Variants in EIF2AK4 observed in about 807,000 individuals in gnomAD.
EIF2AK4 encodes eukaryotic translation initiation factor 2 alpha kinase 4.
EIF2AK4 carries 139 observed loss-of-function variants against 211.1 expected under a neutral mutation model. The ratio of observed to expected loss-of-function variants is 0.66; its 90% CI spans 0.57 to 0.76. EIF2AK4 has a LOEUF of 0.76. EIF2AK4 is among the 30% of genes least tolerant of loss of function. The pLI, the probability that EIF2AK4 is intolerant of heterozygous loss-of-function variation, is 0.00. For synonymous variants in EIF2AK4, 710 were observed against 751.3 expected, an observed-to-expected ratio of 0.94 and a Z score of 0.90; for missense variants, 1,664 against 2,043.8, an observed-to-expected ratio of 0.81 and a Z score of 3.58.
Position 39,980,829 on chromosome 15 carries a change from T to C in EIF2AK4, c.2319+2682T>C, listed in dbSNP as rs113657468. Reference sequence around the variant, plus strand: ...TCAGCCTCCCAAAGTGCTGCCATTATAGGTGTGAGCCACCATGCCTAGCCT... The same window carrying C: ...TCAGCCTCCCAAAGTGCTGCCATTACAGGTGTGAGCCACCATGCCTAGCCT... On this transcript the variant is annotated intron_variant, in intron 13 of 38. Transcript: ENST00000263791. Among the ~76,000 whole-genome samples, 1,431 of 152,282 alleles carry C rather than the reference T, an allele frequency of 9.4e-3. 25 individuals are homozygous for C. Among genetic ancestry groups the C allele is most frequent in the African/African-American group, 0.033 (1,381 of 41,558 alleles).
In EIF2AK4 at chr15:39,955,701, C is replaced by A. The variant is rs184797513; in HGVS notation, c.676C>A (p.Leu226Ile). 1 of 1,613,260 alleles carries A rather than the reference C, an allele frequency of 6.2e-7. No homozygotes were observed. Among genetic ancestry groups the A allele is most frequent in the African/African-American group, 1.3e-5 (1 of 74,988 alleles). ...DPGGHRTAAI[L>I]HGGSPDFVGN... The stretch of plus-strand genomic sequence containing the variant: ...AGGAGGACACAGAACGGCTGCCATT[C>A]TACATGGAGGCTCTCCTGACTTTGT... Residue 226 changes from leucine to isoleucine, a missense_variant, in exon 6 of 39, where the codon CTA becomes ATA. Physicochemically the swap from Leu to Ile is conservative, Grantham distance 5 (BLOSUM62 2). This residue lies in a region of EIF2AK4 where 641 missense variants were observed against 729.6 expected (regional missense o/e 0.88). Transcript: ENST00000263791.
chr15:40,023,335 T>C (rs138570451), intron 32 of EIF2AK4, among the ~76,000 whole-genome samples: 3 of 152,182 alleles, frequency 2.0e-5, no homozygotes, highest in Non-Finnish European at 2.9e-5. Flanking sequence ...CTTAAAAATA[T>C]TTTTCTCTTC....
At chr15:39,963,857 A>G (rs936342246) in intron 7 of EIF2AK4, among the ~76,000 whole-genome samples, 22 of 152,224 alleles carry the variant, frequency 1.4e-4, no homozygotes, top group African/African-American at 5.1e-4. Flanking sequence ...AGCAACTATG[A>G]AATGCCTGCC....
chr15:39,990,462 C>T (rs192094535), intron 16 of EIF2AK4, 85 bp downstream of exon 16: 31 of 1,148,322 alleles, frequency 2.7e-5, no homozygotes, highest in South Asian at 2.0e-4. Flanking sequence ...TAGAATAGTG[C>T]GTTCACAGAA....
At chr15:39,992,464 G>T in intron 17 of EIF2AK4, 2 of 533,482 alleles carry the variant, frequency 3.7e-6, no homozygotes, top group South Asian at 5.7e-5. Context: ...CCCAGGGGTA[G>T]ACAGTTTTAT....
intron 3 of EIF2AK4, among the ~76,000 whole-genome samples, chr15:39,944,437 T>TTTTTTC: frequency 6.8e-6 from 1 of 147,634 alleles, no homozygotes; most frequent in South Asian, 2.3e-4. Flanking sequence ...GATCTCTTTT[T>TTTTTTC]TTTTTTTTTT....
In EIF2AK4 at chr15:39,967,639, C is replaced by G. The variant is rs370828624; in HGVS notation, c.1313C>G (p.Thr438Ser). Residue 438 changes from threonine to serine, a missense_variant, in exon 9 of 39, where the codon ACC becomes AGC. Physicochemically the swap from Thr to Ser is moderately conservative, Grantham distance 58 (BLOSUM62 1). Coordinates refer to ENST00000263791, the MANE Select transcript of EIF2AK4 (RefSeq NM_001013703.4). ...AATGTCTTGGTGGATGCAGAAGGCA[C>G]CGTCAAGATTACGGACTATAGCATT... is the stretch of plus-strand genomic sequence containing the variant. ...ASNVLVDAEG[T>S]VKITDYSISK... 13 of 1,614,026 alleles carry G rather than the reference C, an allele frequency of 8.1e-6. No homozygotes were observed. Among genetic ancestry groups the G allele is most frequent in the Non-Finnish European group, 1.1e-5 (13 of 1,180,024 alleles).
chr15:39,950,693 TG>T (rs2034296713), intron 4 of EIF2AK4, among the ~76,000 whole-genome samples: 1 of 151,890 alleles, frequency 6.6e-6, no homozygotes, highest in African/African-American at 2.4e-5. Context: ...CAATAAAAAA[TG>T]TACTTATTTT....
chr15:39,988,420 A>G (rs987641713), intron 15 of EIF2AK4, among the ~76,000 whole-genome samples: 1 of 152,218 alleles, frequency 6.6e-6, no homozygotes, highest in African/African-American at 2.4e-5. Context: ...TGACTCCTAT[A>G]TTTTTAAATG....
At chr15:39,974,180 CTTTTA>C (rs2140917123) in intron 11 of EIF2AK4, 1 of 153,026 alleles carries the variant, frequency 6.5e-6, no homozygotes, top group South Asian at 2.1e-4. Context: ...GTCTCGATGG[CTTTTA>C]TTTTCCAGCT....
chr15:39,967,778 T>G lies in EIF2AK4; in HGVS notation c.1452T>G (p.Leu484=). The change falls in exon 9 of 39, where the codon CTT becomes CTG. Residue 484 remains leucine (L), a synonymous_variant. Coordinates refer to ENST00000263791, the MANE Select transcript of EIF2AK4 (RefSeq NM_001013703.4). The part of the protein sequence containing the change: ...KTGKKGDVWR[L]GLLLLSLSQG... ...GGAAGAAAGGAGATGTTTGGCGTCT[T>G]GGCCTTCTGCTGCTGTCCCTCAGCC... The G allele has an allele frequency of 1.9e-6, 3 of 1,614,240 alleles. No homozygotes were observed. Among genetic ancestry groups the G allele is most frequent in the Non-Finnish European group, 2.5e-6 (3 of 1,180,048 alleles).
At chr15:40,023,376 A>G (rs1267655944) in intron 32 of EIF2AK4, among the ~76,000 whole-genome samples, 1 of 152,170 alleles carries the variant, frequency 6.6e-6, no homozygotes, top group African/African-American at 2.4e-5. Flanking sequence ...TATCAGGGTA[A>G]TGTTGGCCTG....
At chr15:39,980,315 A>G (rs1024084613) in intron 13 of EIF2AK4, among the ~76,000 whole-genome samples, 9 of 152,216 alleles carry the variant, frequency 5.9e-5, no homozygotes, top group Non-Finnish European at 8.8e-5. Context: ...CTGAAAATCC[A>G]TCAAGCTGAA....
chr15:39,996,028 C>T (rs1595417331), intron 18 of EIF2AK4, among the ~76,000 whole-genome samples: 1 of 152,098 alleles, frequency 6.6e-6, no homozygotes, highest in South Asian at 2.1e-4. Flanking sequence ...CAGTCCCCAG[C>T]CCCTGGTAGC....
rs142158819 is a variant in EIF2AK4, at chr15:39,972,776, A to G, written c.1554-132A>G. The G allele has an allele frequency of 2.1e-5, 14 of 669,978 alleles. 1 individual carries two copies. Among genetic ancestry groups the G allele is most frequent in the African/African-American group, 1.8e-4 (10 of 55,036 alleles). The allele number at this position is 669,978 out of a possible 1,614,324, so 41.5% of individuals were successfully genotyped here. A position where few individuals can be genotyped will look rare whatever the true frequency, so the allele number is the denominator to read the frequency against. ...AATTTAAATTCACCTATGAGAGTAC[A>G]TTCTGGTCTTTGAGTAACATGAATT... is the stretch of plus-strand genomic sequence containing the variant. On this transcript the variant is annotated intron_variant, in intron 9 of 38. Transcript: ENST00000263791.
intron 9 of EIF2AK4, among the ~76,000 whole-genome samples, chr15:39,972,163 A>G (rs1489929634): frequency 6.6e-6 from 1 of 152,090 alleles, no homozygotes; most frequent in Admixed American, 6.5e-5. Flanking sequence ...GTTGGAGACC[A>G]GCCTGGGCAG....
At chr15:39,944,273 AACTC>A (rs1350243426) in intron 3 of EIF2AK4, among the ~76,000 whole-genome samples, 2 of 152,154 alleles carry the variant, frequency 1.3e-5, no homozygotes, top group African/African-American at 2.4e-5. Context: ...TGGGTGGCAC[AACTC>A]TCTGTGGAAG....
chr15:40,028,403 A>G (rs180862079), intron 33 of EIF2AK4, among the ~76,000 whole-genome samples: 102 of 152,344 alleles, frequency 6.7e-4, no homozygotes, highest in Non-Finnish European at 1.2e-3. Context: ...GCAATTCTCA[A>G]CCAACAATGA....
At chr15:40,025,932 G>T in intron 32 of EIF2AK4, 45 bp from the exon 33 acceptor site, 1 of 1,579,644 alleles carries the variant, frequency 6.3e-7, no homozygotes. Flanking sequence ...TAGTCTTCTG[G>T]GTTCAGAAAC....
Sources: allele counts gnomAD v4.1 joint callset (sites outside exome capture counted in the v4.1 genomes callset), GRCh38; gene constraint gnomAD v4.1.1; regional missense constraint gnomAD v4.1.1; transcripts MANE v1.5; gene names NCBI Gene and HGNC (gene_info 2026-07-23, HGNC 2026-07-21).